ZNF639: variants seen among roughly 807,000 people sequenced by gnomAD.
ZNF639 encodes the protein zinc finger protein 639.
In ZNF639, 20 loss-of-function variants were observed where a neutral mutation model predicts 39.8. The observed-to-expected ratio is 0.50, with a 90% CI of 0.35 to 0.73. The LOEUF is 0.73. Among genes scored for constraint, ZNF639 ranks in the 30% least tolerant of loss-of-function variants. ZNF639 has a pLI of 0.00. For missense variants in ZNF639, 477 were observed against 566.2 expected (o/e 0.84, Z 1.60); for synonymous variants, 176 against 189.8 (o/e 0.93, Z 0.60).
chr3:179,327,471 A>G (rs1333805353), intron 1 of ZNF639, 90 bp from the exon 2 acceptor site: 3 of 152,220 alleles, frequency 2.0e-5, no homozygotes, highest in Non-Finnish European at 4.4e-5. Flanking sequence ...TAACTTTCCA[A>G]TTGATTAAAG....
intron 3 of ZNF639, 99 bp downstream of exon 3, chr3:179,328,450 C>A (rs1727720291): frequency 1.3e-6 from 1 of 765,652 alleles, no homozygotes; most frequent in Admixed American, 3.0e-5. Flanking sequence ...ACTTAAATAT[C>A]TGGGTCAATA....
In ZNF639 at chr3:179,333,785, A is replaced by G. The variant is rs375368189; in HGVS notation, c.821A>G (p.Asn274Ser). 6.2e-7 allele frequency: 1 copy of G among 1,614,006 alleles called. No homozygotes were observed. The highest frequency in any genetic ancestry group is 8.5e-7 in the Non-Finnish European group (1 of 1,180,034). The change falls in exon 6 of 6, where the codon AAC becomes AGC. Residue 274 changes from asparagine (N) to serine (S), a missense_variant. Coordinates refer to ENST00000496856, the MANE Select transcript of ZNF639 (RefSeq NM_001303426.2). Reference protein sequence around the residue: ...YCDYKTVIFENLSQHIADTHF... With the variant: ...YCDYKTVIFESLSQHIADTHF... Reference sequence around the variant, plus strand: ...GATTATAAGACAGTAATTTTTGAGAACCTCAGCCAGCACATTGCAGACACC... The same window carrying G: ...GATTATAAGACAGTAATTTTTGAGAGCCTCAGCCAGCACATTGCAGACACC...
At chr3:179,325,481 C>T (rs1433165100) in intron 1 of ZNF639, among the ~76,000 whole-genome samples, 2 of 152,222 alleles carry the variant, frequency 1.3e-5, no homozygotes, top group Non-Finnish European at 2.9e-5. Flanking sequence ...GTTGACTTAA[C>T]TTTCACTAAG....
At chr3:179,322,992 C>T, upstream of ZNF639, 1 of 985,268 alleles carries the variant, frequency 1.0e-6, no homozygotes, top group Non-Finnish European at 1.2e-6. Flanking sequence ...CCTGCCCCCA[C>T]CTCACCTCGT....
At position 179,337,512 on chromosome 3, in the gene ZNF639, T is replaced by TTTA. The variant is rs1025991595; in HGVS notation, c.*3092_*3093insATT. 4 of 148,214 alleles carry TTTA rather than the reference T, an allele frequency of 2.7e-5. No homozygotes were observed. The highest frequency in any genetic ancestry group is 4.5e-5 in the Non-Finnish European group (3 of 66,968). 9.2% of individuals were successfully genotyped at this position (148,214 alleles called of 1,614,324 possible). Reference sequence around the variant, plus strand: ...CCACCACACCCGGCTAATTTTTGTGTTTTTAATAGAGACGGGGTTTCACCA... The same window carrying TTTA: ...CCACCACACCCGGCTAATTTTTGTGTTTATTTTAATAGAGACGGGGTTTCACCA... On this transcript the variant is annotated 3_prime_UTR_variant, in exon 6 of 6. Coordinates refer to ENST00000496856, the MANE Select transcript of ZNF639 (RefSeq NM_001303426.2).
chr3:179,337,564 TG>T lies in ZNF639; in HGVS notation c.*3143del, dbSNP rs1711582143. 1 of 151,862 alleles carries T rather than the reference TG, an allele frequency of 6.6e-6. No homozygotes were observed. Among genetic ancestry groups the T allele is most frequent in the Non-Finnish European group, 1.5e-5 (1 of 68,048 alleles). 9.4% of individuals were successfully genotyped at this position (151,862 alleles called of 1,614,324 possible). On this transcript the variant is annotated 3_prime_UTR_variant, in exon 6 of 6. Coordinates refer to ENST00000496856, the MANE Select transcript of ZNF639 (RefSeq NM_001303426.2). ...GTTGACCAGGCTGGTCTTGAACTCC[TG>T]ACCTCTTGTGATCTGCCCACCTCGA...
chr3:179,334,523 G>A lies in ZNF639; in HGVS notation c.*101G>A. On this transcript the variant is annotated 3_prime_UTR_variant, in exon 6 of 6. Transcript: ENST00000496856. Reference sequence around the variant, plus strand: ...ATTGTAAACACAACTTATGAAATCTGCCTTTAACAAGTAACTTTTTTAAAT... The same window carrying A: ...ATTGTAAACACAACTTATGAAATCTACCTTTAACAAGTAACTTTTTTAAAT... 1 of 877,740 alleles carries A rather than the reference G, an allele frequency of 1.1e-6. No homozygotes were observed. The highest frequency in any genetic ancestry group is 1.6e-6 in the Non-Finnish European group (1 of 628,578). 54.4% of individuals were successfully genotyped at this position (877,740 alleles called of 1,614,324 possible). A position where few individuals can be genotyped will look rare whatever the true frequency, so the allele number is the denominator to read the frequency against.
chr3:179,330,682 A>G (rs752088113), intron 4 of ZNF639, among the ~76,000 whole-genome samples: 1 of 152,110 alleles, frequency 6.6e-6, no homozygotes, highest in Non-Finnish European at 1.5e-5. Context: ...TGTTAGACAC[A>G]GTTCTACTCA....
chr3:179,325,594 T>C (rs1448154634), intron 1 of ZNF639, among the ~76,000 whole-genome samples: 1 of 152,118 alleles, frequency 6.6e-6, no homozygotes, highest in Non-Finnish European at 1.5e-5. Context: ...GTTAGGAAAA[T>C]GCTTAATAAA....
At position 179,334,409 on chromosome 3, in the gene ZNF639, A is replaced by C; in HGVS notation, c.1445A>C (p.His482Pro). The change falls in exon 6 of 6, where the codon CAT becomes CCT. Residue 482 changes from histidine (H) to proline (P), a missense_variant. Transcript: ENST00000496856. Reference protein sequence around the residue: ...ERELISHLPVHETT With the variant: ...ERELISHLPVPETT The stretch of plus-strand genomic sequence containing the variant: ...GAATTAATAAGTCACCTTCCAGTCC[A>C]TGAGACAACTTGATTATTCTCTTTA... 6.5e-7 allele frequency: 1 copy of C among 1,539,990 alleles called. No homozygotes were observed. Among genetic ancestry groups the C allele is most frequent in the Non-Finnish European group, 8.7e-7 (1 of 1,147,046 alleles).
Position 179,335,673 on chromosome 3 carries a change from G to C in ZNF639, c.*1251G>C, listed in dbSNP as rs1395545116. ...GCAGTTGGTTCCTTCTGAGGGTTGT[G>C]GGGGAAGGATCTGTTTCAGGTCTGT... On this transcript the variant is annotated 3_prime_UTR_variant, in exon 6 of 6. Coordinates refer to ENST00000496856, the MANE Select transcript of ZNF639 (RefSeq NM_001303426.2). The C allele has an allele frequency of 6.6e-6, 1 of 152,062 alleles. No individual in the cohort carries two copies. The highest frequency in any genetic ancestry group is 6.6e-5 in the Admixed American group (1 of 15,262). The allele number at this position is 152,062 out of a possible 1,614,324, so 9.4% of individuals were successfully genotyped here.
rs1367913207 is a variant in ZNF639 at position 179,334,624 on chromosome 3, A to G, written c.*202A>G. 3.1e-6 allele frequency: 1 copy of G among 324,470 alleles called. No homozygotes were observed. The highest frequency in any genetic ancestry group is 5.2e-5 in the East Asian group (1 of 19,142). The allele number at this position is 324,470 out of a possible 1,614,324, so 20.1% of individuals were successfully genotyped here. A position where few individuals can be genotyped will look rare whatever the true frequency, so the allele number is the denominator to read the frequency against. On this transcript the variant is annotated 3_prime_UTR_variant, in exon 6 of 6. Transcript: ENST00000496856. ...AATGTGGTATTTTCAATTGCGTGAT[A>G]GTTTGTAGTTTCAACCACTCTTGGT...
In ZNF639 at chr3:179,334,214, A is replaced by G; in HGVS notation, c.1250A>G (p.Glu417Gly). Reference protein sequence around the residue: ...DCGKGFSSMLEYCKHLNSHLS... With the variant: ...DCGKGFSSMLGYCKHLNSHLS... The stretch of plus-strand genomic sequence containing the variant: ...GGGAAAGGCTTTTCAAGTATGCTAG[A>G]ATATTGCAAGCATTTAAATTCACAT... Residue 417 changes from glutamate to glycine, a missense_variant, in exon 6 of 6, where the codon GAA (glutamate) becomes GGA (glycine). Transcript: ENST00000496856. 1 of 1,613,268 alleles carries G rather than the reference A, an allele frequency of 6.2e-7. No homozygotes were observed. Among genetic ancestry groups the G allele is most frequent in the African/African-American group, 1.3e-5 (1 of 75,024 alleles).
chr3:179,333,090 C>T lies in ZNF639; in HGVS notation c.271C>T (p.Leu91Phe). The T allele has an allele frequency of 6.2e-7, 1 of 1,602,318 alleles. No individual in the cohort carries two copies. Among genetic ancestry groups the T allele is most frequent in the East Asian group, 2.2e-5 (1 of 44,540 alleles). The change falls in exon 5 of 6, where the codon CTT becomes TTT. Residue 91 changes from leucine to phenylalanine, a missense_variant. Leu to Phe is a conservative substitution (Grantham distance 22). Transcript: ENST00000496856. ...GAACTACCTGGTTCCCAGTCCTGTA[C>T]TTAGAATTCTAGACCACACTGCCTT... ...NQNYLVPSPVLRILDHTAFST... is the reference protein window; with the variant it reads ...NQNYLVPSPVFRILDHTAFST...
chr3:179,328,307 C>G lies in ZNF639; in HGVS notation c.14C>G (p.Pro5Arg). The change falls in exon 3 of 6, where the codon CCT (proline) becomes CGT (arginine). Residue 5 changes from proline (P) to arginine (R), a missense_variant. Physicochemically the swap from Pro to Arg is moderately radical, Grantham distance 103. Coordinates refer to ENST00000496856, the MANE Select transcript of ZNF639 (RefSeq NM_001303426.2). ...GATTGAAAAGATATGAATGAGTATC[C>G]TAAAAAAAGAAAAAGGAAGACTCTA... Reference protein sequence around the residue: MNEYPKKRKRKTLHP... With the variant: MNEYRKKRKRKTLHP... The G allele has an allele frequency of 1.3e-6, 2 of 1,578,562 alleles. No individual in the cohort carries two copies. Among genetic ancestry groups the G allele is most frequent in the Non-Finnish European group, 1.7e-6 (2 of 1,161,896 alleles).
rs1202705733 is a variant in ZNF639 at position 179,328,340 on chromosome 3, C to G, written c.47C>G (p.Ser16Cys). Residue 16 changes from serine to cysteine, a missense_variant, in exon 3 of 6, where the codon TCT becomes TGT. Transcript: ENST00000496856. ...AGAAAAAGGAAGACTCTACACCCTT[C>G]TCGTTATTCAGGTCAGTGTATAATT... ...KKRKRKTLHPSRYSDSSGISR... is the reference protein window; with the variant it reads ...KKRKRKTLHPCRYSDSSGISR... 1 of 1,582,942 alleles carries G rather than the reference C, an allele frequency of 6.3e-7. No homozygotes were observed. Among genetic ancestry groups the G allele is most frequent in the African/African-American group, 1.4e-5 (1 of 73,266 alleles).
intron 4 of ZNF639, 81 bp from the exon 5 acceptor site, chr3:179,332,908 A>G: frequency 6.9e-7 from 1 of 1,439,482 alleles, no homozygotes; most frequent in Non-Finnish European, 9.1e-7. Flanking sequence ...TCAAAATCAT[A>G]TTTAAAAATT....
intron 4 of ZNF639, among the ~76,000 whole-genome samples, chr3:179,330,424 A>C (rs1416372547): frequency 6.6e-6 from 1 of 152,138 alleles, no homozygotes; most frequent in Non-Finnish European, 1.5e-5. Flanking sequence ...CTGGGACTAC[A>C]GGCATGCACC....
rs1061751 is a variant in ZNF639, at chr3:179,338,351, A to G, written c.*3929A>G. On this transcript the variant is annotated 3_prime_UTR_variant, in exon 6 of 6. Coordinates refer to ENST00000496856, the MANE Select transcript of ZNF639 (RefSeq NM_001303426.2). ...ATGAGTTATTTTGAAATTCCAAAACATTTCCCTGTATTCCAGAAATTGAAA... is the reference window on the plus strand; with the variant it reads ...ATGAGTTATTTTGAAATTCCAAAACGTTTCCCTGTATTCCAGAAATTGAAA... The G allele has an allele frequency of 0.27, 40,947 of 152,104 alleles. 6,716 individuals carry two copies. The highest frequency in any genetic ancestry group is 0.44 in the South Asian group (2,140 of 4,826). The allele number at this position is 152,104 out of a possible 1,614,324, so 9.4% of individuals were successfully genotyped here.
Sources: gnomAD v4.1 joint callset for allele counts (sites outside exome capture counted in the v4.1 genomes callset) on GRCh38, gnomAD v4.1.1 for gene constraint, MANE v1.5 for transcripts, NCBI Gene and HGNC (gene_info 2026-07-23, HGNC 2026-07-21) for gene names.